Variants in NAA35 observed in about 807,000 individuals in gnomAD.
The protein encoded by NAA35 is N-alpha-acetyltransferase 35, NatC auxiliary subunit.
NAA35 carries 18 observed loss-of-function variants against 101.7 expected under a neutral mutation model. The ratio of observed to expected loss-of-function variants is 0.18; its 90% CI spans 0.12 to 0.26. The LOEUF (loss-of-function observed/expected upper bound fraction) is 0.26. Ranked by LOEUF, NAA35 falls within the 10% of genes least tolerant of loss-of-function variation. The pLI is 1.00. For missense variants in NAA35, 601 were observed against 886.8 expected, an observed-to-expected ratio of 0.68 and a Z score of 4.09; for synonymous variants, 267 against 273.1, an observed-to-expected ratio of 0.98 and a Z score of 0.22.
rs1396571183 is a variant in NAA35 at position 86,025,390 on chromosome 9, C to T, written c.*3430C>T. On this transcript the variant is annotated 3_prime_UTR_variant, in exon 23 of 23. Coordinates refer to ENST00000361671, the MANE Select transcript of NAA35 (RefSeq NM_024635.4). ...ATGCAGTGAGGAAAGAGCGACTCAA[C>T]TGGGCTTGAAGAACTGACTTCCCCA... 6.6e-6 allele frequency among the ~76,000 whole-genome samples: 1 copy of T among 152,164 alleles called. No homozygotes were observed. The highest frequency in any genetic ancestry group is 1.5e-5 in the Non-Finnish European group (1 of 68,034).
chr9:86,021,831 A>C, intron 22 of NAA35, 70 bp from the exon 23 acceptor site: 1 of 1,242,960 alleles, frequency 8.0e-7, no homozygotes, highest in South Asian at 1.3e-5. Flanking sequence ...TAAAATAAAA[A>C]TAGTCTTTGT....
intron 19 of NAA35, 91 bp from the exon 20 acceptor site, chr9:86,018,164 A>G: frequency 8.6e-7 from 1 of 1,164,556 alleles, no homozygotes; most frequent in East Asian, 2.5e-5. Context: ...AAGGTTTTAA[A>G]TAGCTGTTTC....
intron 11 of NAA35, among the ~76,000 whole-genome samples, chr9:85,979,770 T>A (rs530762216): frequency 6.4e-4 from 97 of 152,330 alleles, no homozygotes; most frequent in African/African-American, 2.3e-3. Flanking sequence ...ACAGAAGACT[T>A]GAGTGATAAC....
chr9:85,949,287 T>A (rs1828903285), intron 2 of NAA35, among the ~76,000 whole-genome samples: 1 of 150,324 alleles, frequency 6.7e-6, no homozygotes, highest in Non-Finnish European at 1.5e-5. Context: ...CTATTTTTCT[T>A]TTTTTCTTTT....
At chr9:85,997,946 A>G (rs1368519240) in intron 12 of NAA35, among the ~76,000 whole-genome samples, 2 of 150,818 alleles carry the variant, frequency 1.3e-5, no homozygotes, top group Non-Finnish European at 1.5e-5. Flanking sequence ...ACAGAGTCTC[A>G]CTCTGTCGCC....
At chr9:85,966,415 C>T (rs1829744692) in intron 6 of NAA35, among the ~76,000 whole-genome samples, 1 of 152,172 alleles carries the variant, frequency 6.6e-6, no homozygotes, top group African/African-American at 2.4e-5. Context: ...GTACAACACT[C>T]AGGCCCAAAT....
intron 2 of NAA35, among the ~76,000 whole-genome samples, chr9:85,952,653 C>A (rs930929065): frequency 6.6e-6 from 1 of 150,638 alleles, no homozygotes; most frequent in African/African-American, 2.4e-5. Flanking sequence ...GTCTGCTTCC[C>A]ATTTTTTTCA....
chr9:86,021,043 A>G (rs1203025551), intron 22 of NAA35, 74 bp downstream of exon 22: 3 of 1,099,154 alleles, frequency 2.7e-6, no homozygotes, highest in South Asian at 3.2e-5. Flanking sequence ...TAAGATGTGT[A>G]AATATTACAG....
At chr9:86,015,879 A>C (rs540479108) in intron 17 of NAA35, 30 of 594,210 alleles carry the variant, frequency 5.0e-5, no homozygotes, top group Non-Finnish European at 6.1e-5. Flanking sequence ...CACATTTTGT[A>C]GGGTGGCAGG....
Position 86,013,794 on chromosome 9 carries a change from G to C in NAA35, c.1465G>C (p.Gly489Arg). The C allele has an allele frequency of 6.2e-7, 1 of 1,614,126 alleles. No individual in the cohort carries two copies. The highest frequency in any genetic ancestry group is 8.5e-7 in the Non-Finnish European group (1 of 1,180,004). The change falls in exon 17 of 23, where the codon GGT becomes CGT. Residue 489 changes from glycine to arginine, a missense_variant. By Grantham distance (125) the Gly-to-Arg change is moderately radical. This residue lies in a region of NAA35 where 99 missense variants were observed against 206.7 expected (regional missense o/e 0.48). Transcript: ENST00000361671. ...EPQRQHLACL[G>R]TWVLYHNLRI... Reference sequence around the variant, plus strand: ...CCAAAGGCAACATTTGGCCTGTTTAGGTACCTGGGTCCTTTACCATAACCT... The same window carrying C: ...CCAAAGGCAACATTTGGCCTGTTTACGTACCTGGGTCCTTTACCATAACCT...
At chr9:86,012,479 A>G (rs1030454637) in intron 15 of NAA35, among the ~76,000 whole-genome samples, 1 of 152,206 alleles carries the variant, frequency 6.6e-6, no homozygotes. Context: ...TACTGATCAA[A>G]TGAGATAATA....
chr9:85,941,480 C>T, intron 1 of NAA35: 1 of 985,484 alleles, frequency 1.0e-6, no homozygotes, highest in South Asian at 4.7e-5. Context: ...GAGGCGACGA[C>T]CCGGCGCCGG....
chr9:85,992,338 G>A (rs536113634), intron 11 of NAA35, among the ~76,000 whole-genome samples: 5 of 151,932 alleles, frequency 3.3e-5, no homozygotes, highest in Admixed American at 6.6e-5. Flanking sequence ...AAAAGATAAA[G>A]CCATTATTCT....
intron 14 of NAA35, 66 bp downstream of exon 14, chr9:86,007,530 C>A: frequency 1.7e-6 from 2 of 1,172,460 alleles, no homozygotes; most frequent in Non-Finnish European, 2.5e-6. Context: ...CTTCTCTGTA[C>A]TCCTTCTTTA....
At chr9:85,983,157 G>T (rs1830502358) in intron 11 of NAA35, among the ~76,000 whole-genome samples, 2 of 152,268 alleles carry the variant, frequency 1.3e-5, no homozygotes, top group South Asian at 4.1e-4. Context: ...CTGTACTTGA[G>T]GGTATATGAG....
intron 7 of NAA35, 32 bp from the exon 8 acceptor site, chr9:85,975,082 T>G (rs1332477079): frequency 6.2e-7 from 1 of 1,611,914 alleles, no homozygotes; most frequent in Non-Finnish European, 8.5e-7. Flanking sequence ...TTTCATATGT[T>G]TCCTTTTAAA....
intron 6 of NAA35, among the ~76,000 whole-genome samples, chr9:85,965,962 G>C (rs1005977085): frequency 3.3e-5 from 5 of 151,966 alleles, no homozygotes; most frequent in African/African-American, 9.7e-5. Flanking sequence ...TTATTTCTAG[G>C]GGGTTCCACT....
intron 6 of NAA35, among the ~76,000 whole-genome samples, chr9:85,970,711 GAA>G (rs1378382166): frequency 6.6e-6 from 1 of 151,968 alleles, no homozygotes; most frequent in Non-Finnish European, 1.5e-5. Context: ...AGTACTGTTT[GAA>G]AAGATACTTC....
chr9:85,994,992 C>G (rs1054399906), intron 11 of NAA35, among the ~76,000 whole-genome samples: 6 of 151,956 alleles, frequency 3.9e-5, no homozygotes, highest in East Asian at 3.9e-4. Flanking sequence ...ACATATACCA[C>G]AAAAATACAT....
Sources: gnomAD v4.1 joint callset for allele counts (sites outside exome capture counted in the v4.1 genomes callset) on GRCh38, gnomAD v4.1.1 for gene constraint, gnomAD v4.1.1 regional missense constraint, MANE v1.5 for transcripts, NCBI Gene and HGNC (gene_info 2026-07-23, HGNC 2026-07-21) for gene names.